The following TTBK1 variants were observed in gnomAD, a reference collection of about 807,000 sequenced individuals.
TTBK1 encodes tau-tubulin kinase 1.
A neutral mutation model predicts 108.5 loss-of-function variants in TTBK1; 34 were observed. The ratio of observed to expected loss-of-function variants is 0.31; its 90% CI spans 0.24 to 0.42. The LOEUF is 0.42. TTBK1 is among the 10% of genes least tolerant of loss of function. The probability of loss-of-function intolerance (pLI) is 1.00; values close to 1 mark genes in which losing one functional copy is unlikely to be tolerated. For synonymous variants in TTBK1, 809 were observed against 795.1 expected (o/e 1.02, Z -0.29); for missense variants, 1,539 against 1,826.0 (o/e 0.84, Z 2.86).
At chr6:43,281,573 G>A (rs6458329) in intron 13 of TTBK1, among the ~76,000 whole-genome samples, 51,803 of 151,836 alleles carry the variant, frequency 0.34, 9,966 homozygotes, top group African/African-American at 0.53. Context: ...GGCTGTGCTC[G>A]TGGGCCTGGG....
chr6:43,245,936 A>G (rs1582468942), intron 1 of TTBK1, among the ~76,000 whole-genome samples: 1 of 152,150 alleles, frequency 6.6e-6, no homozygotes, highest in African/African-American at 2.4e-5. Context: ...TCTTGAGTCC[A>G]TCACCTGTGT....
In TTBK1 at chr6:43,263,154, G is replaced by C; in HGVS notation, c.1790G>C (p.Gly597Ala). 1 of 1,570,256 alleles carries C rather than the reference G, an allele frequency of 6.4e-7. No homozygotes were observed. The highest frequency in any genetic ancestry group is 8.6e-7 in the Non-Finnish European group (1 of 1,156,550). Residue 597 changes from glycine to alanine, a missense_variant, in exon 13 of 15, where the codon GGA becomes GCA. Physicochemically the swap from Gly to Ala is moderately conservative, Grantham distance 60. Coordinates refer to ENST00000259750, the MANE Select transcript of TTBK1 (RefSeq NM_032538.3). The surrounding 1 kb of genome is among the most constrained non-coding windows in gnomAD (Gnocchi z 4.7). Reference protein sequence around the residue: ...LGAEPTVRPRGRSMQALAEED... With the variant: ...LGAEPTVRPRARSMQALAEED... ...GCAGAGCCCACCGTCCGGCCCCGGGGACGCAGCATGCAGGCGCTGGCGGAG... is the reference window on the plus strand; with the variant it reads ...GCAGAGCCCACCGTCCGGCCCCGGGCACGCAGCATGCAGGCGCTGGCGGAG...
At position 43,285,041 on chromosome 6, in the gene TTBK1, C is replaced by G; in HGVS notation, c.3631C>G (p.Pro1211Ala). 6.6e-7 allele frequency: 1 copy of G among 1,513,508 alleles called. No individual in the cohort carries two copies. The highest frequency in any genetic ancestry group is 8.8e-7 in the Non-Finnish European group (1 of 1,137,252). The allele number at this position is 1,513,508 out of a possible 1,614,324, so 93.8% of individuals were successfully genotyped here. Residue 1211 changes from proline to alanine, a missense_variant, in exon 15 of 15, where the codon CCT becomes GCT. Physicochemically the swap from Pro to Ala is conservative, Grantham distance 27. Coordinates refer to ENST00000259750, the MANE Select transcript of TTBK1 (RefSeq NM_032538.3). The surrounding 1 kb of genome is among the most constrained non-coding windows in gnomAD (Gnocchi z 4.7). ...ATAADLRPKQ[P>A]PGRGLGPGRA... ...TGCTGCTGACCTCCGCCCCAAACAACCTCCTGGCCGCGGCCTGGGCCCAGG... is the reference window on the plus strand; with the variant it reads ...TGCTGCTGACCTCCGCCCCAAACAAGCTCCTGGCCGCGGCCTGGGCCCAGG...
chr6:43,285,229 C>G lies in TTBK1; in HGVS notation c.3819C>G (p.Pro1273=). ...AGGCCCGGCCCGGGGTCCCCCCGCC[C>G]CGGGGCGTCCCGCCGGCCCGGGCCC... is the stretch of plus-strand genomic sequence containing the variant. The part of the protein sequence containing the change: ...SHQARPGVPP[P]RGVPPARAQP... Residue 1273 remains proline (P), a synonymous_variant, in exon 15 of 15, where the codon CCC becomes CCG. Coordinates refer to ENST00000259750, the MANE Select transcript of TTBK1 (RefSeq NM_032538.3). This position sits in a 1 kb window ranked among gnomAD's most constrained non-coding sequence, Gnocchi z 4.7. 1 of 1,304,190 alleles carries G rather than the reference C, an allele frequency of 7.7e-7. No individual in the cohort carries two copies. Among genetic ancestry groups the G allele is most frequent in the African/African-American group, 1.5e-5 (1 of 64,772 alleles). The allele number at this position is 1,304,190 out of a possible 1,614,324, so 80.8% of individuals were successfully genotyped here.
At position 43,265,979 on chromosome 6, in the gene TTBK1, G is replaced by A. The variant is rs190496479; in HGVS notation, c.1986+2629G>A. ...GGGGAATTCTGGCCAAGCGGGTGGG[G>A]AGAGAGAGATTTGGTGGGGTGGGGA... is the stretch of plus-strand genomic sequence containing the variant. On this transcript the variant is annotated intron_variant, in intron 13 of 14. Transcript: ENST00000259750. This position sits in a 1 kb window ranked among gnomAD's most constrained non-coding sequence, Gnocchi z 4.1. 1.2e-3 allele frequency among the ~76,000 whole-genome samples: 177 copies of A among 152,242 alleles called. No individual in the cohort carries two copies. Among genetic ancestry groups the A allele is most frequent in the Non-Finnish European group, 1.9e-3 (129 of 68,002 alleles).
In TTBK1 at chr6:43,263,221, G is replaced by T; in HGVS notation, c.1857G>T (p.Gln619His). ...TGCCGCCCCAGCCCCTGCCACCCCA[G>T]CTGAGCCAGGGCGATGGCCGTTCCG... is the stretch of plus-strand genomic sequence containing the variant. The part of the protein sequence containing the change: ...QHLPPQPLPP[Q>H]LSQGDGRSET... The change falls in exon 13 of 15, where the codon CAG becomes CAT. Residue 619 changes from glutamine to histidine, a missense_variant. Around this residue, in one of 5 missense-constraint regions of TTBK1, gnomAD observed 1,055 missense variants for 1,086.5 expected, o/e 0.97. Transcript: ENST00000259750. This position sits in a 1 kb window ranked among gnomAD's most constrained non-coding sequence, Gnocchi z 4.7. The T allele has an allele frequency of 6.3e-7, 1 of 1,576,926 alleles. No homozygotes were observed. Among genetic ancestry groups the T allele is most frequent in the Non-Finnish European group, 8.6e-7 (1 of 1,161,002 alleles).
intron 13 of TTBK1, among the ~76,000 whole-genome samples, chr6:43,266,998 CGTGTGTGT>C (rs3997628): frequency 0.2 from 26,037 of 128,034 alleles, 2,918 homozygotes; most frequent in African/African-American, 0.32. Context: ...CTGGAGCATG[CGTGTGTGT>C]GTGTGTGTGT....
At chr6:43,277,699 G>A (rs1778042879) in intron 13 of TTBK1, among the ~76,000 whole-genome samples, 2 of 152,234 alleles carry the variant, frequency 1.3e-5, no homozygotes, top group Non-Finnish European at 2.9e-5. Flanking sequence ...GGGGTGGAGT[G>A]GAGGGAGGGC....
Position 43,283,270 on chromosome 6 carries a change from A to G in TTBK1, c.2530A>G (p.Met844Val), listed in dbSNP as rs1228486157. 1.3e-6 allele frequency: 2 copies of G among 1,558,774 alleles called. No individual in the cohort carries two copies. Among genetic ancestry groups the G allele is most frequent in the Non-Finnish European group, 1.7e-6 (2 of 1,151,632 alleles). ...GCTGGTGCTTGTCTCTCCTGGCGAC[A>G]TGAAGAAGTCGCCCGTCACTGCCGA... ...KTLVLVSPGD[M>V]KKSPVTAELA... The change falls in exon 14 of 15, where the codon ATG becomes GTG. Residue 844 changes from methionine (M) to valine (V), a missense_variant. Physicochemically the swap from Met to Val is conservative, Grantham distance 21. This residue lies in a region of TTBK1 where 1,055 missense variants were observed against 1,086.5 expected (regional missense o/e 0.97). Coordinates refer to ENST00000259750, the MANE Select transcript of TTBK1 (RefSeq NM_032538.3). The surrounding 1 kb of genome is among the most constrained non-coding windows in gnomAD (Gnocchi z 8.1).
rs1390700920 is a variant in TTBK1, at chr6:43,259,376, T to A, written c.1248+107T>A. On this transcript the variant is annotated intron_variant, in intron 11 of 14. Coordinates refer to ENST00000259750, the MANE Select transcript of TTBK1 (RefSeq NM_032538.3). The surrounding 1 kb of genome is among the most constrained non-coding windows in gnomAD (Gnocchi z 6.7). The stretch of plus-strand genomic sequence containing the variant: ...CCTAAGCACCCTGTCCCCGGCCATC[T>A]GCCTGCTTGCCCTGCCTCTGTTTCC... 7.9e-7 allele frequency: 1 copy of A among 1,260,814 alleles called. No individual in the cohort carries two copies. Among genetic ancestry groups the A allele is most frequent in the Non-Finnish European group, 1.1e-6 (1 of 923,152 alleles). The allele number at this position is 1,260,814 out of a possible 1,614,324, so 78.1% of individuals were successfully genotyped here. A position where few individuals can be genotyped will look rare whatever the true frequency, so the allele number is the denominator to read the frequency against.
In TTBK1 at chr6:43,269,983, T is replaced by TGG. The variant is rs142312292; in HGVS notation, c.1986+6641_1986+6642dup. The TGG allele has an allele frequency of 1.8e-5, 23 of 1,305,964 alleles. No homozygotes were observed. The East Asian group carries it at 4.0e-4, about 22-fold the overall frequency. The allele number at this position is 1,305,964 out of a possible 1,614,324, so 80.9% of individuals were successfully genotyped here. A position where few individuals can be genotyped will look rare whatever the true frequency, so the allele number is the denominator to read the frequency against. On this transcript the variant is annotated intron_variant, in intron 13 of 14. Transcript: ENST00000259750. The surrounding 1 kb of genome is among the most constrained non-coding windows in gnomAD (Gnocchi z 4.8). ...CCCCCCCCCTCCTGGAGGGGGCAGG[T>TGG]GGGGGGGGGTGGGGAGCAGGCAGAG...
At chr6:43,258,626 G>A (rs182381454) in intron 10 of TTBK1, among the ~76,000 whole-genome samples, 378 of 152,172 alleles carry the variant, frequency 2.5e-3, no homozygotes, top group Non-Finnish European at 4.2e-3. Context: ...GTATATTCAG[G>A]GCAACTTCAA....
At chr6:43,274,810 C>A (rs1777920710) in intron 13 of TTBK1, among the ~76,000 whole-genome samples, 1 of 152,138 alleles carries the variant, frequency 6.6e-6, no homozygotes, top group African/African-American at 2.4e-5. Context: ...TGGTTCCCCA[C>A]ACACCATCCA....
In TTBK1 at chr6:43,263,367, AC is replaced by A; in HGVS notation, c.1986+21del. 2 of 1,449,366 alleles carry A rather than the reference AC, an allele frequency of 1.4e-6. No individual in the cohort carries two copies. Among genetic ancestry groups the A allele is most frequent in the Non-Finnish European group, 9.1e-7 (1 of 1,097,366 alleles). 89.8% of individuals were successfully genotyped at this position (1,449,366 alleles called of 1,614,324 possible). On this transcript the variant is annotated intron_variant, in intron 13 of 14. Coordinates refer to ENST00000259750, the MANE Select transcript of TTBK1 (RefSeq NM_032538.3). The surrounding 1 kb of genome is among the most constrained non-coding windows in gnomAD (Gnocchi z 4.7). Reference sequence around the variant, plus strand: ...CAGAGACAGGTAAGGTTGGGCTTGCACCCCACTCCCCATCTCCAGATGCCCA... The same window carrying A: ...CAGAGACAGGTAAGGTTGGGCTTGCACCCACTCCCCATCTCCAGATGCCCA...
In TTBK1 at chr6:43,257,848, A is replaced by G; in HGVS notation, c.898A>G (p.Arg300Gly). 6.2e-7 allele frequency: 1 copy of G among 1,613,838 alleles called. No individual in the cohort carries two copies. The highest frequency in any genetic ancestry group is 8.5e-7 in the Non-Finnish European group (1 of 1,179,982). The change falls in exon 10 of 15, where the codon AGG (arginine) becomes GGG (glycine). Residue 300 changes from arginine to glycine, a missense_variant. Physicochemically the swap from Arg to Gly is moderately radical, Grantham distance 125. This residue lies in a region of TTBK1 where 277 missense variants were observed against 332.4 expected (regional missense o/e 0.83). Coordinates refer to ENST00000259750, the MANE Select transcript of TTBK1 (RefSeq NM_032538.3). This position sits in a 1 kb window ranked among gnomAD's most constrained non-coding sequence, Gnocchi z 4.5. ...AGTGTTTGAGAACAGCATGAAGGAGAGGGGCATTGCCGAGAATGAGGCCTT... is the reference window on the plus strand; with the variant it reads ...AGTGTTTGAGAACAGCATGAAGGAGGGGGGCATTGCCGAGAATGAGGCCTT... Reference protein sequence around the residue: ...MSVFENSMKERGIAENEAFDW... With the variant: ...MSVFENSMKEGGIAENEAFDW...
chr6:43,243,485 T>A lies in TTBK1; in HGVS notation c.-278T>A, dbSNP rs1365499487. ...CTGATGCTGGCGGCGCGGTGCATTG[T>A]GGGCAGCTCCCCGCTCTGCCGCTGC... On this transcript the variant is annotated 5_prime_UTR_variant, in exon 1 of 15. Coordinates refer to ENST00000259750, the MANE Select transcript of TTBK1 (RefSeq NM_032538.3). This position sits in a 1 kb window ranked among gnomAD's most constrained non-coding sequence, Gnocchi z 5.5. Among the ~76,000 whole-genome samples the A allele has an allele frequency of 6.6e-6, 1 of 151,960 alleles. No individual in the cohort carries two copies. The highest frequency in any genetic ancestry group is 1.5e-5 in the Non-Finnish European group (1 of 67,922).
Position 43,282,791 on chromosome 6 carries a change from C to T in TTBK1, c.2051C>T (p.Pro684Leu), listed in dbSNP as rs1381152833. The T allele has an allele frequency of 3.1e-6, 5 of 1,613,874 alleles. No individual in the cohort carries two copies. Among genetic ancestry groups the T allele is most frequent in the Non-Finnish European group, 3.4e-6 (4 of 1,179,978 alleles). The change falls in exon 14 of 15, where the codon CCC becomes CTC. Residue 684 changes from proline to leucine, a missense_variant. Physicochemically the swap from Pro to Leu is moderately conservative, Grantham distance 98 (BLOSUM62 -3). Around this residue, in one of 5 missense-constraint regions of TTBK1, gnomAD observed 1,055 missense variants for 1,086.5 expected, o/e 0.97. Transcript: ENST00000259750. The surrounding 1 kb of genome is among the most constrained non-coding windows in gnomAD (Gnocchi z 5.4). ...GLPRAVPLSL[P>L]YQDFKRDLSD... is the part of the protein sequence containing the mutation. ...CCACGAGCTGTGCCTCTGAGTCTGC[C>T]CTACCAGGACTTCAAAAGAGACCTC...
chr6:43,282,847 A>G lies in TTBK1; in HGVS notation c.2107A>G (p.Asn703Asp), dbSNP rs1351174506. The G allele has an allele frequency of 1.2e-6, 2 of 1,613,752 alleles. No homozygotes were observed. Among genetic ancestry groups the G allele is most frequent in the Non-Finnish European group, 1.7e-6 (2 of 1,179,902 alleles). ...SDYRERARLLNRVRRVGFSHM... is the reference protein window; with the variant it reads ...SDYRERARLLDRVRRVGFSHM... ...TTACCGAGAACGGGCGCGGTTGCTC[A>G]ACAGGGTCCGGAGGGTGGGCTTCTC... The change falls in exon 14 of 15, where the codon AAC becomes GAC. Residue 703 changes from asparagine (N) to aspartate (D), a missense_variant. Physicochemically the swap from Asn to Asp is conservative, Grantham distance 23. Around this residue, in one of 5 missense-constraint regions of TTBK1, gnomAD observed 1,055 missense variants for 1,086.5 expected, o/e 0.97. Transcript: ENST00000259750. This position sits in a 1 kb window ranked among gnomAD's most constrained non-coding sequence, Gnocchi z 5.4.
chr6:43,255,004 G>T (rs369128783), intron 6 of TTBK1, 45 bp from the exon 7 acceptor site: 1 of 1,591,788 alleles, frequency 6.3e-7, no homozygotes, highest in African/African-American at 1.3e-5. Context: ...GGTGGCTGAG[G>T]TGAGGGCATG....
Sources: gnomAD v4.1 joint callset for allele counts (sites outside exome capture counted in the v4.1 genomes callset) on GRCh38, gnomAD v4.1.1 for gene constraint, gnomAD v4.1.1 regional missense constraint, Gnocchi (gnomAD v3.1) non-coding constraint, MANE v1.5 for transcripts, NCBI Gene and HGNC (gene_info 2026-07-23, HGNC 2026-07-21) for gene names.